KCNQ5: variants seen among roughly 807,000 people sequenced by gnomAD.
KCNQ5 encodes potassium voltage-gated channel subfamily Q member 5.
In KCNQ5, 30 loss-of-function variants were observed where a neutral mutation model predicts 98.2. The observed-to-expected ratio is 0.31, with a 90% CI of 0.23 to 0.41. The LOEUF (loss-of-function observed/expected upper bound fraction) is 0.41. Ranked by LOEUF, KCNQ5 falls within the 10% of genes least tolerant of loss-of-function variation. The probability of loss-of-function intolerance (pLI) is 1.00; values close to 1 mark genes in which losing one functional copy is unlikely to be tolerated. For missense variants in KCNQ5, 835 were observed against 1,182.5 expected, an observed-to-expected ratio of 0.71 and a Z score of 4.31; for synonymous variants, 458 against 449.4, an observed-to-expected ratio of 1.02 and a Z score of -0.24.
chr6:73,051,731 AAAAAAAAAAC>A (rs1562148932), intron 3 of KCNQ5, among the ~76,000 whole-genome samples: 6 of 132,270 alleles, frequency 4.5e-5, no homozygotes, highest in South Asian at 2.4e-4. Flanking sequence ...AAAAAAAAAA[AAAAAAAAAAC>A]TATCCAAAGG....
intron 1 of KCNQ5, among the ~76,000 whole-genome samples, chr6:72,764,017 A>G (rs1772426827): frequency 6.6e-6 from 1 of 151,990 alleles, no homozygotes. Flanking sequence ...CCTCTAAGTT[A>G]CTGTGCAAGT....
intron 1 of KCNQ5, among the ~76,000 whole-genome samples, chr6:72,883,865 G>A (rs1416460566): frequency 1.3e-5 from 2 of 152,090 alleles, no homozygotes; most frequent in East Asian, 1.9e-4. Flanking sequence ...AGAAGAGTGA[G>A]GTGGTACTTC....
intron 3 of KCNQ5, among the ~76,000 whole-genome samples, chr6:73,071,162 A>G (rs986036807): frequency 2.6e-5 from 4 of 152,206 alleles, no homozygotes; most frequent in Non-Finnish European, 5.9e-5. Context: ...TGTCTATCAC[A>G]TAGTGAACAG....
chr6:72,935,526 A>G (rs1305941324), intron 1 of KCNQ5, among the ~76,000 whole-genome samples: 1 of 152,178 alleles, frequency 6.6e-6, no homozygotes, highest in African/African-American at 2.4e-5. Context: ...AAGCAGCTGC[A>G]TCAAATCTTC....
At chr6:72,730,805 A>T (rs2207266) in intron 1 of KCNQ5, among the ~76,000 whole-genome samples, 1 of 151,482 alleles carries the variant, frequency 6.6e-6, no homozygotes, top group African/African-American at 2.4e-5. Context: ...TTCTTTTTCC[A>T]TATAAACTTT....
chr6:72,987,635 AC>A (rs1181647717), intron 1 of KCNQ5: 7 of 603,862 alleles, frequency 1.2e-5, no homozygotes, highest in Admixed American at 2.4e-5. Context: ...CAGGACTGTG[AC>A]CGGGCCATGA....
intron 11 of KCNQ5, among the ~76,000 whole-genome samples, chr6:73,178,997 C>T (rs1321552698): frequency 6.6e-6 from 1 of 152,116 alleles, no homozygotes; most frequent in Non-Finnish European, 1.5e-5. Context: ...GTGAGGGCTG[C>T]CTCAGGGGAA....
At position 72,852,039 on chromosome 6, in the gene KCNQ5, T is replaced by C. The variant is rs1197899792; in HGVS notation, c.399-151869T>C. Among the ~76,000 whole-genome samples, 6 of 152,144 alleles carry C rather than the reference T, an allele frequency of 3.9e-5. No individual in the cohort carries two copies. In the East Asian group the frequency reaches 1.2e-3, roughly 29 times the overall value. On this transcript the variant is annotated intron_variant, in intron 1 of 13. Coordinates refer to ENST00000370398, the MANE Select transcript of KCNQ5 (RefSeq NM_019842.4). ...TAGTTACTATCCTTTCTGTTTCTCA[T>C]TTTTCTTCAGTAAAATTAATTAATA...
At chr6:72,761,552 T>C (rs1772277307) in intron 1 of KCNQ5, among the ~76,000 whole-genome samples, 1 of 151,896 alleles carries the variant, frequency 6.6e-6, no homozygotes, top group African/African-American at 2.4e-5. Flanking sequence ...ATGTAAATCA[T>C]ATTTAATCAT....
intron 1 of KCNQ5, among the ~76,000 whole-genome samples, chr6:72,855,363 G>C (rs1777485740): frequency 6.6e-6 from 1 of 151,642 alleles, no homozygotes; most frequent in Non-Finnish European, 1.5e-5. Flanking sequence ...AAAATGCTAG[G>C]TTAAAAGAAG....
chr6:73,145,290 A>G (rs1429045999), intron 10 of KCNQ5, among the ~76,000 whole-genome samples: 1 of 152,192 alleles, frequency 6.6e-6, no homozygotes, highest in East Asian at 1.9e-4. Context: ...AGAAAATGTA[A>G]ATAACTTGCC....
chr6:72,868,732 T>C (rs937894523), intron 1 of KCNQ5, among the ~76,000 whole-genome samples: 2 of 152,162 alleles, frequency 1.3e-5, no homozygotes, highest in African/African-American at 4.8e-5. Flanking sequence ...GCAGTCTACA[T>C]GGTAGCTGAG....
At chr6:73,173,091 T>C (rs1352009534) in intron 11 of KCNQ5, among the ~76,000 whole-genome samples, 2 of 152,220 alleles carry the variant, frequency 1.3e-5, no homozygotes, top group African/African-American at 4.8e-5. Context: ...TGGTACATAG[T>C]AAAGAATTAC....
chr6:72,887,603 A>G (rs757779893), intron 1 of KCNQ5, among the ~76,000 whole-genome samples: 11 of 152,218 alleles, frequency 7.2e-5, no homozygotes, highest in Non-Finnish European at 1.3e-4. Flanking sequence ...ATTAAAAAGC[A>G]AGACAACAGC....
chr6:73,009,140 C>T (rs1005556273), intron 2 of KCNQ5, among the ~76,000 whole-genome samples: 1 of 151,976 alleles, frequency 6.6e-6, no homozygotes, highest in Admixed American at 6.6e-5. Context: ...TACAGGCACG[C>T]ACCACCACTC....
intron 2 of KCNQ5, among the ~76,000 whole-genome samples, chr6:73,036,022 TG>T (rs1287785422): frequency 5.3e-5 from 8 of 151,340 alleles, no homozygotes; most frequent in Non-Finnish European, 1.2e-4. Context: ...TGTGTGTGTG[TG>T]TGTGTGTATT....
intron 6 of KCNQ5, among the ~76,000 whole-genome samples, chr6:73,108,584 T>C (rs1406084540): frequency 1.3e-5 from 2 of 152,190 alleles, no homozygotes; most frequent in Non-Finnish European, 2.9e-5. Flanking sequence ...CCCAGCACTT[T>C]GGGAGGCCGA....
intron 1 of KCNQ5, among the ~76,000 whole-genome samples, chr6:72,832,824 G>A (rs1204178358): frequency 6.6e-6 from 1 of 152,114 alleles, no homozygotes; most frequent in Non-Finnish European, 1.5e-5. Flanking sequence ...CACATATATG[G>A]TAAAAGCCAC....
intron 1 of KCNQ5, among the ~76,000 whole-genome samples, chr6:72,780,322 A>T (rs1773395979): frequency 6.6e-6 from 1 of 152,162 alleles, no homozygotes; most frequent in Non-Finnish European, 1.5e-5. Context: ...TTGATAAGAC[A>T]TTTTGCTTAG....
Sources: gnomAD v4.1 joint callset for allele counts (sites outside exome capture counted in the v4.1 genomes callset) on GRCh38, gnomAD v4.1.1 for gene constraint, MANE v1.5 for transcripts, NCBI Gene and HGNC (gene_info 2026-07-23, HGNC 2026-07-21) for gene names.